Variants in SETD1B observed in about 807,000 individuals in gnomAD.
SETD1B encodes the protein SET domain containing 1B, histone lysine methyltransferase.
A neutral mutation model predicts 148.0 loss-of-function variants in SETD1B; 7 were observed. That is an observed-to-expected ratio of 0.05 (90% CI 0.03 to 0.09). SETD1B has a LOEUF of 0.09. Among genes scored for constraint, SETD1B ranks in the 10% least tolerant of loss-of-function variants. The pLI is 1.00. For missense variants in SETD1B, 2,155 were observed against 2,729.9 expected, an observed-to-expected ratio of 0.79 and a Z score of 4.69; for synonymous variants, 1,361 against 1,186.5, an observed-to-expected ratio of 1.15 and a Z score of -3.02.
chr12:121,823,714 A>G lies in SETD1B; in HGVS notation c.5135A>G (p.Asp1712Gly). 1 of 1,551,414 alleles carries G rather than the reference A, an allele frequency of 6.4e-7. No individual in the cohort carries two copies. The highest frequency in any genetic ancestry group is 8.7e-7 in the Non-Finnish European group (1 of 1,146,952). ...CTGCTACAGCAGGACAATGGCATGG[A>G]CTGGCTTAACGACACGCTCTGGGTC... The part of the protein sequence containing the change: ...ERLLQQDNGM[D>G]WLNDTLWVYH... The change falls in exon 12 of 17, where the codon GAC (aspartate) becomes GGC (glycine). Residue 1712 changes from aspartate to glycine, a missense_variant. By Grantham distance (94) the Asp-to-Gly change is moderately conservative. Coordinates refer to ENST00000604567, the MANE Select transcript of SETD1B (RefSeq NM_001353345.2).
chr12:121,797,407 G>A, the SETD1B span: 1 of 453,200 alleles, frequency 2.2e-6, no homozygotes. Context: ...CGCCCTCGAG[G>A]GACCAGCAGG....
chr12:121,826,309 G>A (rs957811709), intron 13 of SETD1B, among the ~76,000 whole-genome samples: 3 of 152,208 alleles, frequency 2.0e-5, no homozygotes, highest in African/African-American at 7.2e-5. Flanking sequence ...AACAGGAGAG[G>A]GGTTAGGGAT....
chr12:121,797,358 G>A, the SETD1B span: 3 of 432,106 alleles, frequency 6.9e-6, no homozygotes, highest in Non-Finnish European at 1.4e-5. Context: ...CGCCAGCAGC[G>A]GCCCCGCCCC....
At chr12:121,823,857 G>A in intron 12 of SETD1B, 108 bp downstream of exon 12, 1 of 1,402,256 alleles carries the variant, frequency 7.1e-7, no homozygotes, top group Non-Finnish European at 9.4e-7. Flanking sequence ...TGCCCATGAA[G>A]GTGACAGCAT....
chr12:121,823,010 C>G lies in SETD1B; in HGVS notation c.4431C>G (p.Pro1477=), dbSNP rs1413508197. ...LLETGLPLPL[P]LPLPLPLALP... ...AGACGGGCCTGCCCCTCCCTCTGCC[C>G]CTTCCCCTGCCCTTGCCCTTGGCAT... is the stretch of plus-strand genomic sequence containing the variant. The change falls in exon 12 of 17, where the codon CCC becomes CCG. Residue 1477 remains proline (P), a synonymous_variant. Coordinates refer to ENST00000604567, the MANE Select transcript of SETD1B (RefSeq NM_001353345.2). 6.6e-7 allele frequency: 1 copy of G among 1,523,234 alleles called. No individual in the cohort carries two copies. The highest frequency in any genetic ancestry group is 1.4e-5 in the African/African-American group (1 of 72,704). The allele number at this position is 1,523,234 out of a possible 1,614,324, so 94.4% of individuals were successfully genotyped here.
Position 121,809,765 on chromosome 12 carries a change from C to T in SETD1B, c.820C>T (p.Pro274Ser). The change falls in exon 6 of 17, where the codon CCG (proline) becomes TCG (serine). Residue 274 changes from proline (P) to serine (S), a missense_variant. Coordinates refer to ENST00000604567, the MANE Select transcript of SETD1B (RefSeq NM_001353345.2). ...DTPNSYGQGT[P>S]LTPRLGTPFS... ...ACCCAACTCCTATGGACAGGGCACC[C>T]CGCTCACACCGCGCCTGGGCACCCC... The T allele has an allele frequency of 6.4e-7, 1 of 1,551,594 alleles. No homozygotes were observed. The highest frequency in any genetic ancestry group is 8.7e-7 in the Non-Finnish European group (1 of 1,146,984).
chr12:121,807,151 C>T (rs1875782414), intron 4 of SETD1B, among the ~76,000 whole-genome samples: 1 of 152,122 alleles, frequency 6.6e-6, no homozygotes, highest in Admixed American at 6.5e-5. Flanking sequence ...ATGTATTGAC[C>T]GAGCTCTAAG....
chr12:121,810,175 C>G lies in SETD1B; in HGVS notation c.1230C>G (p.Pro410=). Reference sequence around the variant, plus strand: ...CCCCAGTGGCCCACTTCCCTCCACCCCCGGAAGAGCCCACCGCCACAGCCG... The same window carrying G: ...CCCCAGTGGCCCACTTCCCTCCACCGCCGGAAGAGCCCACCGCCACAGCCG... ...YQTPVAHFPP[P]PEEPTATAAF... The change falls in exon 6 of 17, where the codon CCC becomes CCG. Residue 410 remains proline, a synonymous_variant. Transcript: ENST00000604567. The surrounding 1 kb of genome is among the most constrained non-coding windows in gnomAD (Gnocchi z 7.6). 2 of 1,549,852 alleles carry G rather than the reference C, an allele frequency of 1.3e-6. No individual in the cohort carries two copies. The highest frequency in any genetic ancestry group is 2.4e-5 in the South Asian group (2 of 84,038).
the SETD1B span, chr12:121,797,682 C>T: frequency 2.2e-6 from 1 of 447,598 alleles, no homozygotes; most frequent in Non-Finnish European, 4.5e-6. Flanking sequence ...TTATCCAAAG[C>T]AGGTGGGGAG....
rs979985510 is a variant in SETD1B, at chr12:121,821,743, T to C, written c.3911-747T>C. On this transcript the variant is annotated intron_variant, in intron 11 of 16. Transcript: ENST00000604567. ...TCCAGCCTGGGTGACAGAGTGAGAC[T>C]GTCTCGAAAAAATAAAAATAAAATA... is the stretch of plus-strand genomic sequence containing the variant. Among the ~76,000 whole-genome samples the C allele has an allele frequency of 2.6e-5, 4 of 151,966 alleles. No homozygotes were observed. In the East Asian group the frequency reaches 5.8e-4, roughly 22 times the overall value.
chr12:121,819,831 G>C lies in SETD1B; in HGVS notation c.3846G>C (p.Leu1282=). The C allele has an allele frequency of 6.4e-7, 1 of 1,551,508 alleles. No individual in the cohort carries two copies. Among genetic ancestry groups the C allele is most frequent in the South Asian group, 1.2e-5 (1 of 84,060 alleles). The change falls in exon 11 of 17, where the codon CTG becomes CTC. Residue 1282 remains leucine (L), a synonymous_variant. Coordinates refer to ENST00000604567, the MANE Select transcript of SETD1B (RefSeq NM_001353345.2). ...TGAGCCAGGAAGGGGCCATGTTGCT[G>C]TCTCCAGAGCCCCCTGCCAAGGAGG... is the stretch of plus-strand genomic sequence containing the variant. The part of the protein sequence containing the change: ...PGLSQEGAML[L]SPEPPAKEVE...
chr12:121,794,287 C>A, the SETD1B span: 2 of 152,306 alleles, frequency 1.3e-5, no homozygotes, highest in African/African-American at 4.8e-5. Context: ...AGGGACTGGG[C>A]TCCGCTTACC....
At chr12:121,797,451 C>T in the SETD1B span, 3 of 456,338 alleles carry the variant, frequency 6.6e-6, no homozygotes, top group Non-Finnish European at 1.3e-5. Context: ...CCTCACCCTC[C>T]CTGCCCCAAG....
intron 7 of SETD1B, among the ~76,000 whole-genome samples, chr12:121,815,699 C>CT (rs1488363977): frequency 2.0e-5 from 3 of 152,032 alleles, no homozygotes; most frequent in African/African-American, 7.3e-5. Flanking sequence ...TCTGTAAAGA[C>CT]AGAGTTTCAC....
Position 121,805,277 on chromosome 12 carries a change from G to A in SETD1B, c.273+61G>A. On this transcript the variant is annotated intron_variant, in intron 3 of 16. Coordinates refer to ENST00000604567, the MANE Select transcript of SETD1B (RefSeq NM_001353345.2). This position sits in a 1 kb window ranked among gnomAD's most constrained non-coding sequence, Gnocchi z 4.2. The stretch of plus-strand genomic sequence containing the variant: ...CCACCTCCCCGAGTTCGAAAATAAC[G>A]CCAGTCCTGACCGAGCCCAGCCGGA... 1 of 1,275,228 alleles carries A rather than the reference G, an allele frequency of 7.8e-7. No homozygotes were observed. The highest frequency in any genetic ancestry group is 1.1e-6 in the Non-Finnish European group (1 of 930,864). The allele number at this position is 1,275,228 out of a possible 1,614,324, so 79.0% of individuals were successfully genotyped here. A position where few individuals can be genotyped will look rare whatever the true frequency, so the allele number is the denominator to read the frequency against.
intron 16 of SETD1B, among the ~76,000 whole-genome samples, chr12:121,829,544 T>G (rs923681018): frequency 6.6e-6 from 1 of 152,190 alleles, no homozygotes; most frequent in Non-Finnish European, 1.5e-5. Flanking sequence ...CAGCAGGTAG[T>G]TGCATTTATG....
chr12:121,794,691 C>T, the SETD1B span, among the ~76,000 whole-genome samples: 1 of 152,150 alleles, frequency 6.6e-6, no homozygotes, highest in Admixed American at 6.5e-5. Context: ...CTGAATTACC[C>T]GTAACCCCCA....
At chr12:121,797,211 T>A in the SETD1B span, 9 of 355,526 alleles carry the variant, frequency 2.5e-5, no homozygotes, top group Non-Finnish European at 3.9e-5. Flanking sequence ...CGAAAGGTCA[T>A]GTTCCACGCT....
intron 7 of SETD1B, 127 bp from the exon 8 acceptor site, chr12:121,816,906 G>A: frequency 1.2e-6 from 1 of 811,826 alleles, no homozygotes. Flanking sequence ...AGGTGTGTAG[G>A]GAATGAGGAT....
Sources: allele counts gnomAD v4.1 joint callset (sites outside exome capture counted in the v4.1 genomes callset), GRCh38; gene constraint gnomAD v4.1.1; non-coding constraint Gnocchi (gnomAD v3.1); transcripts MANE v1.5; gene names NCBI Gene and HGNC (gene_info 2026-07-23, HGNC 2026-07-21).